NRG4: variants seen among roughly 807,000 people sequenced by gnomAD.
NRG4 encodes pro-neuregulin-4, membrane-bound isoform.
In NRG4, 10 loss-of-function variants were observed where a neutral mutation model predicts 15.0. That is an observed-to-expected ratio of 0.67 (90% CI 0.41 to 1.13). NRG4 has a LOEUF of 1.13. Among genes scored for constraint, NRG4 ranks in the 50% most tolerant of loss-of-function variants. NRG4 has a pLI of 0.00. For missense variants in NRG4, 139 were observed against 140.2 expected (o/e 0.99, Z 0.04); for synonymous variants, 41 against 50.1 (o/e 0.82, Z 0.77).
In NRG4 at chr15:76,011,233, T is replaced by G; in HGVS notation, c.-3A>C. The G allele has an allele frequency of 6.9e-7, 1 of 1,455,548 alleles. No homozygotes were observed. Among genetic ancestry groups the G allele is most frequent in the Non-Finnish European group, 9.1e-7 (1 of 1,095,762 alleles). The allele number at this position is 1,455,548 out of a possible 1,614,324, so 90.2% of individuals were successfully genotyped here. A position where few individuals can be genotyped will look rare whatever the true frequency, so the allele number is the denominator to read the frequency against. The stretch of plus-strand genomic sequence containing the variant: ...TATAAGAAATTACCTGTTGGCATCT[T>G]AATTTGTAAATAGTTTCATTCTTGG... On this transcript the variant is annotated 5_prime_UTR_variant, in exon 2 of 6. An upstream open reading frame in the 5' UTR loses its in-frame stop. Coordinates refer to ENST00000394907, the MANE Select transcript of NRG4 (RefSeq NM_138573.4).
chr15:75,951,536 C>G (rs1457529903), intron 5 of NRG4, among the ~76,000 whole-genome samples: 1 of 152,148 alleles, frequency 6.6e-6, no homozygotes, highest in Non-Finnish European at 1.5e-5. Flanking sequence ...ATGTATATTT[C>G]TTGCAGATAG....
intron 3 of NRG4, chr15:75,969,164 C>T: frequency 8.8e-6 from 4 of 455,942 alleles, no homozygotes; most frequent in South Asian, 6.2e-5. Flanking sequence ...CCTTCTAATG[C>T]AGGGAAAATC....
At position 76,053,666 on chromosome 15, in the gene NRG4, C is replaced by T. The variant is rs559171645; in HGVS notation, c.-261-683G>A. Reference sequence around the variant, plus strand: ...CCGCCTCCTGGTTCAAGCAATTCTCCTGTCTCAGCCTCCCGAGTAGCTGGG... The same window carrying T: ...CCGCCTCCTGGTTCAAGCAATTCTCTTGTCTCAGCCTCCCGAGTAGCTGGG... On this transcript the variant is annotated intron_variant, in intron 2 of 8. Coordinates refer to the NRG4 transcript ENST00000563910. Among the ~76,000 whole-genome samples the T allele has an allele frequency of 3.5e-4, 53 of 150,820 alleles. 6 individuals carry two copies. The highest frequency in any genetic ancestry group is 3.4e-3 in the Middle Eastern group (1 of 294).
intron 3 of NRG4, among the ~76,000 whole-genome samples, chr15:75,962,454 A>G (rs2032570411): frequency 1.4e-5 from 2 of 142,920 alleles, no homozygotes; most frequent in East Asian, 2.1e-4. Flanking sequence ...AAATAACAGC[A>G]TTTATTTCTA....
downstream of NRG4, chr15:75,938,041 C>T (rs921949519): frequency 2.6e-5 from 4 of 152,210 alleles, no homozygotes; most frequent in African/African-American, 7.2e-5. Flanking sequence ...TTCTAAGACC[C>T]AAGCTTTCAC....
intron 5 of NRG4, among the ~76,000 whole-genome samples, chr15:76,031,869 A>C (rs1472802995): frequency 2.6e-5 from 4 of 152,220 alleles, no homozygotes; most frequent in Non-Finnish European, 4.4e-5. Flanking sequence ...AAATAAATAA[A>C]TAAAACCCCT....
intron 2 of NRG4, among the ~76,000 whole-genome samples, chr15:76,054,340 C>T (rs1218509761): frequency 6.6e-6 from 1 of 151,758 alleles, no homozygotes; most frequent in Non-Finnish European, 1.5e-5. Context: ...ATCTGCCCGC[C>T]TCAGCCTCCC....
intron 3 of NRG4, among the ~76,000 whole-genome samples, chr15:75,996,373 A>G (rs1431395612): frequency 6.6e-6 from 1 of 152,168 alleles, no homozygotes; most frequent in Non-Finnish European, 1.5e-5. Context: ...CCCTAGATAT[A>G]CCAACTTCAT....
chr15:75,952,578 T>C (rs895326297), intron 5 of NRG4, among the ~76,000 whole-genome samples: 10 of 151,648 alleles, frequency 6.6e-5, no homozygotes, highest in Middle Eastern at 6.8e-3. Flanking sequence ...TTCTTTTTTT[T>C]CGCCCTCCTC....
intron 5 of NRG4, among the ~76,000 whole-genome samples, chr15:75,952,244 C>T (rs898262455): frequency 3.3e-5 from 5 of 152,130 alleles, no homozygotes; most frequent in Non-Finnish European, 7.3e-5. Context: ...CAACATCCCC[C>T]CATTTCCTCC....
intron 2 of NRG4, 23 bp downstream of exon 2, chr15:76,011,198 C>A (rs1425163625): frequency 1.4e-6 from 2 of 1,414,680 alleles, no homozygotes; most frequent in African/African-American, 2.9e-5. Context: ...TTGACAAAAA[C>A]ATATAAATAT....
At chr15:76,012,234 T>C (rs531747792) in intron 1 of NRG4, 85 bp downstream of exon 1, 2 of 152,264 alleles carry the variant, frequency 1.3e-5, no homozygotes, top group South Asian at 2.1e-4. Flanking sequence ...AGGAGAACAT[T>C]AAATCTATTT....
chr15:75,963,947 A>AT (rs1317519194), intron 3 of NRG4, among the ~76,000 whole-genome samples: 1 of 151,966 alleles, frequency 6.6e-6, no homozygotes, highest in Non-Finnish European at 1.5e-5. Flanking sequence ...TGTCTCAAAA[A>AT]ATATATATAC....
At chr15:76,008,284 A>G (rs1371458652) in intron 3 of NRG4, among the ~76,000 whole-genome samples, 1 of 152,164 alleles carries the variant, frequency 6.6e-6, no homozygotes, top group Non-Finnish European at 1.5e-5. Flanking sequence ...TCCCCATATG[A>G]GAAGCCCTAA....
At chr15:75,958,137 C>T (rs527298221) in intron 4 of NRG4, among the ~76,000 whole-genome samples, 1 of 152,040 alleles carries the variant, frequency 6.6e-6, no homozygotes, top group Non-Finnish European at 1.5e-5. Context: ...CTCAGCCTCA[C>T]GAGTAGCTGG....
intron 3 of NRG4, chr15:75,971,298 C>A (rs1455216186): frequency 4.4e-6 from 2 of 454,736 alleles, no homozygotes; most frequent in Admixed American, 2.4e-5. Flanking sequence ...ATCTCATGAT[C>A]TCTGTAGAAG....
At chr15:76,041,225 GA>G (rs2035729654) in intron 4 of NRG4, among the ~76,000 whole-genome samples, 1 of 151,328 alleles carries the variant, frequency 6.6e-6, no homozygotes, top group Non-Finnish European at 1.5e-5. Flanking sequence ...TCACTAAAAG[GA>G]AAACAGGAAG....
intron 1 of NRG4, 40 bp from the exon 2 acceptor site, chr15:76,011,326 C>A: frequency 9.5e-7 from 1 of 1,055,248 alleles, no homozygotes; most frequent in Non-Finnish European, 1.3e-6. Flanking sequence ...GGAAAATAGT[C>A]TTCTTTTAAG....
upstream of NRG4, among the ~76,000 whole-genome samples, chr15:76,012,784 A>G (rs2034857823): frequency 6.6e-6 from 1 of 152,162 alleles, no homozygotes; most frequent in South Asian, 2.1e-4. Flanking sequence ...GGTTTGTGTT[A>G]CCTTACAAGC....
Sources: gnomAD v4.1 joint callset for allele counts (sites outside exome capture counted in the v4.1 genomes callset) on GRCh38, gnomAD v4.1.1 for gene constraint, MANE v1.5 for transcripts, NCBI Gene and HGNC (gene_info 2026-07-23, HGNC 2026-07-21) for gene names.